ECE1: variants seen among roughly 807,000 people sequenced by gnomAD.
ECE1 encodes endothelin-converting enzyme 1.
A neutral mutation model predicts 98.6 loss-of-function variants in ECE1; 35 were observed. The ratio of observed to expected loss-of-function variants is 0.35; its 90% CI spans 0.27 to 0.47. The LOEUF is 0.47. Ranked by LOEUF, ECE1 falls within the 20% of genes least tolerant of loss-of-function variation. The probability of loss-of-function intolerance (pLI) is 1.00; values close to 1 mark genes in which losing one functional copy is unlikely to be tolerated. For synonymous variants in ECE1, 394 were observed against 407.1 expected, an observed-to-expected ratio of 0.97 and a Z score of 0.39; for missense variants, 814 against 1,025.3, an observed-to-expected ratio of 0.79 and a Z score of 2.81.
intron 17 of ECE1, among the ~76,000 whole-genome samples, chr1:21,224,364 T>A (rs2103208810): frequency 6.6e-6 from 1 of 152,320 alleles, no homozygotes; most frequent in East Asian, 1.9e-4. Context: ...CCTTCCAGCC[T>A]CCACTAAGAG....
At chr1:21,304,409 T>C (rs1447373669) in intron 1 of ECE1, among the ~76,000 whole-genome samples, 1 of 151,196 alleles carries the variant, frequency 6.6e-6, no homozygotes, top group Non-Finnish European at 1.5e-5. Context: ...CCACCTCCTC[T>C]GGACAGGCCA....
chr1:21,325,974 G>T (rs895831068), intron 1 of ECE1, among the ~76,000 whole-genome samples: 1 of 152,140 alleles, frequency 6.6e-6, no homozygotes, highest in Non-Finnish European at 1.5e-5. Context: ...TTCCCCTAGC[G>T]CAGTGATTTC....
chr1:21,240,878 A>G (rs1240659538), intron 10 of ECE1, among the ~76,000 whole-genome samples: 27 of 152,230 alleles, frequency 1.8e-4, no homozygotes, highest in Admixed American at 1.8e-3. Flanking sequence ...GATTCTCTGG[A>G]TAAACCCATT....
Position 21,279,060 on chromosome 1 carries a change from C to T in ECE1, c.280+131G>A. Reference sequence around the variant, plus strand: ...CTTGGTCTATCTCAGCACCCAGACCCCCCTGGGCCTGGCTCCCTCCTTAGC... The same window carrying T: ...CTTGGTCTATCTCAGCACCCAGACCTCCCTGGGCCTGGCTCCCTCCTTAGC... On this transcript the variant is annotated intron_variant, in intron 3 of 18. Transcript: ENST00000374893. 2.7e-6 allele frequency: 4 copies of T among 1,501,778 alleles called. No individual in the cohort carries two copies. The South Asian group carries it at 4.6e-5, about 17-fold the overall frequency. 93.0% of individuals were successfully genotyped at this position (1,501,778 alleles called of 1,614,324 possible).
At position 21,300,578 on chromosome 1, in the gene ECE1, A is replaced by T. The variant is rs565620713; in HGVS notation, c.4-10422T>A. On this transcript the variant is annotated intron_variant, in intron 1 of 18. Coordinates refer to the ECE1 transcript ENST00000415912. The stretch of plus-strand genomic sequence containing the variant: ...GCCTCCCAAGTAGCTGGGACCACAG[A>T]CATGTTCCACCACACCCGGCTAATT... 7.3e-4 allele frequency among the ~76,000 whole-genome samples: 111 copies of T among 152,110 alleles called. 1 individual carries two copies. Among genetic ancestry groups the T allele is most frequent in the Admixed American group, 6.4e-3 (97 of 15,258 alleles).
chr1:21,264,985 C>T (rs533776760), intron 4 of ECE1, among the ~76,000 whole-genome samples: 1 of 152,330 alleles, frequency 6.6e-6, no homozygotes. Flanking sequence ...CGCCTCTTCC[C>T]TCTCTGGCCC....
chr1:21,227,316 T>TA, intron 15 of ECE1, 90 bp from the exon 16 acceptor site: 2 of 1,307,462 alleles, frequency 1.5e-6, no homozygotes, highest in South Asian at 2.4e-5. Context: ...TTCCTGGGCT[T>TA]AGAGATATAG....
intron 1 of ECE1, among the ~76,000 whole-genome samples, chr1:21,328,950 G>A (rs1312496180): frequency 6.6e-6 from 1 of 151,956 alleles, no homozygotes; most frequent in Non-Finnish European, 1.5e-5. Flanking sequence ...TTGATCTAAA[G>A]GTGGAATGGA....
chr1:21,234,447 C>T lies in ECE1; in HGVS notation c.1567-786G>A, dbSNP rs28368022. 4.1e-3 allele frequency among the ~76,000 whole-genome samples: 618 copies of T among 150,714 alleles called. 6 individuals are homozygous for T. Among genetic ancestry groups the T allele is most frequent in the Middle Eastern group, 0.02 (6 of 294 alleles). On this transcript the variant is annotated intron_variant, in intron 13 of 18. Coordinates refer to ENST00000374893, the MANE Select transcript of ECE1 (RefSeq NM_001397.3). ...CTGAACTGTCAAGGGCATCACTGTACACCCTTTTCACTACTCGGCCCAGCT... is the reference window on the plus strand; with the variant it reads ...CTGAACTGTCAAGGGCATCACTGTATACCCTTTTCACTACTCGGCCCAGCT...
chr1:21,233,199 A>G lies in ECE1; in HGVS notation c.1670+359T>C, dbSNP rs28368030. The stretch of plus-strand genomic sequence containing the variant: ...CCAGAGGTCCTCACATTTGACTGCC[A>G]TGAGGACCCCAGAACCAGCTCCTCC... On this transcript the variant is annotated intron_variant, in intron 14 of 18. Coordinates refer to ENST00000374893, the MANE Select transcript of ECE1 (RefSeq NM_001397.3). This position sits in a 1 kb window ranked among gnomAD's most constrained non-coding sequence, Gnocchi z 4.0. 1.8e-3 allele frequency: 427 copies of G among 235,094 alleles called. 5 individuals are homozygous for G. The highest frequency in any genetic ancestry group is 9.2e-3 in the African/African-American group (409 of 44,288). The allele number at this position is 235,094 out of a possible 1,614,324, so 14.6% of individuals were successfully genotyped here. A position where few individuals can be genotyped will look rare whatever the true frequency, so the allele number is the denominator to read the frequency against.
chr1:21,263,274 G>A (rs924236277), intron 4 of ECE1, among the ~76,000 whole-genome samples: 1 of 152,208 alleles, frequency 6.6e-6, no homozygotes, highest in Non-Finnish European at 1.5e-5. Flanking sequence ...ACAGAGCCCA[G>A]TGTCCCTTTC....
At chr1:21,264,227 A>G (rs950983141) in intron 4 of ECE1, among the ~76,000 whole-genome samples, 2 of 151,792 alleles carry the variant, frequency 1.3e-5, no homozygotes, top group African/African-American at 2.4e-5. Flanking sequence ...GAGACACCCA[A>G]GGGGAGCCCT....
At chr1:21,272,639 T>C (rs904184833) in intron 4 of ECE1, 60 bp downstream of exon 4, 1 of 1,600,114 alleles carries the variant, frequency 6.2e-7, no homozygotes, top group African/African-American at 1.3e-5. Context: ...GGAAGCTGGC[T>C]GGGCCAGCTG....
At chr1:21,274,135 T>C (rs973703910) in intron 3 of ECE1, among the ~76,000 whole-genome samples, 5 of 152,240 alleles carry the variant, frequency 3.3e-5, no homozygotes, top group Admixed American at 6.5e-5. Context: ...GATGCAGGCA[T>C]CATGTCCCTA....
Position 21,235,873 on chromosome 1 carries a change from C to T in ECE1, c.1543G>A (p.Glu515Lys), listed in dbSNP as rs1479031193. The T allele has an allele frequency of 6.2e-7, 1 of 1,614,186 alleles. No homozygotes were observed. Among genetic ancestry groups the T allele is most frequent in the Admixed American group, 1.7e-5 (1 of 60,022 alleles). Reference protein sequence around the residue: ...GYPNFIMDPKELDKVFNDYTA... With the variant: ...GYPNFIMDPKKLDKVFNDYTA... Reference sequence around the variant, plus strand: ...ACGTCATTAAACACTTTGTCCAGCTCCTTGGGATCCATGATGAAGTTGGGG... The same window carrying T: ...ACGTCATTAAACACTTTGTCCAGCTTCTTGGGATCCATGATGAAGTTGGGG... The change falls in exon 13 of 19, where the codon GAG (glutamate) becomes AAG (lysine). Residue 515 changes from glutamate to lysine, a missense_variant. Glu to Lys is a moderately conservative substitution (Grantham distance 56). Coordinates refer to ENST00000374893, the MANE Select transcript of ECE1 (RefSeq NM_001397.3). The surrounding 1 kb of genome is among the most constrained non-coding windows in gnomAD (Gnocchi z 4.2).
At chr1:21,267,544 C>A (rs894697565) in intron 4 of ECE1, among the ~76,000 whole-genome samples, 1 of 152,200 alleles carries the variant, frequency 6.6e-6, no homozygotes, top group Non-Finnish European at 1.5e-5. Context: ...AATGACCTCC[C>A]ACTGGGTCCT....
In ECE1 at chr1:21,225,585, C is replaced by T. The variant is rs532320937; in HGVS notation, c.1850-145G>A. ...GGGGAGACGAGGTCCCTGTGAGTGC[C>T]GAGGGACGTGGATGTGGTGGCCAGT... On this transcript the variant is annotated intron_variant, in intron 16 of 18. Transcript: ENST00000374893. The surrounding 1 kb of genome is among the most constrained non-coding windows in gnomAD (Gnocchi z 5.3). 33 of 903,412 alleles carry T rather than the reference C, an allele frequency of 3.7e-5. No homozygotes were observed. Among genetic ancestry groups the T allele is most frequent in the South Asian group, 3.4e-4 (21 of 61,064 alleles). 56.0% of individuals were successfully genotyped at this position (903,412 alleles called of 1,614,324 possible).
At chr1:21,275,696 G>A (rs773356647) in intron 3 of ECE1, among the ~76,000 whole-genome samples, 16 of 152,204 alleles carry the variant, frequency 1.1e-4, no homozygotes, top group Non-Finnish European at 1.8e-4. Context: ...AAGGAGCAAT[G>A]GCTTGATTAT....
At chr1:21,249,155 C>T (rs757074351) in intron 8 of ECE1, among the ~76,000 whole-genome samples, 1 of 151,920 alleles carries the variant, frequency 6.6e-6, no homozygotes, top group Non-Finnish European at 1.5e-5. Context: ...CCAGCCTGGA[C>T]AACATGGTGA....
Sources: allele counts gnomAD v4.1 joint callset (sites outside exome capture counted in the v4.1 genomes callset), GRCh38; gene constraint gnomAD v4.1.1; non-coding constraint Gnocchi (gnomAD v3.1); transcripts MANE v1.5; gene names NCBI Gene and HGNC (gene_info 2026-07-23, HGNC 2026-07-21).